Variants in SLAIN2 observed in about 807,000 individuals in gnomAD.
SLAIN2 encodes the protein SLAIN family member 2.
A neutral mutation model predicts 56.6 loss-of-function variants in SLAIN2; 31 were observed. That is an observed-to-expected ratio of 0.55 (90% CI 0.41 to 0.74). The LOEUF (loss-of-function observed/expected upper bound fraction) is 0.74, where lower values mean the gene tolerates loss of function less well. Among genes scored for constraint, SLAIN2 ranks in the 30% least tolerant of loss-of-function variants. The probability of loss-of-function intolerance (pLI) is 0.00; values close to 1 mark genes in which losing one functional copy is unlikely to be tolerated. For missense variants in SLAIN2, 777 were observed against 754.2 expected (o/e 1.03, Z -0.35); for synonymous variants, 317 against 284.9 (o/e 1.11, Z -1.13).
chr4:48,410,995 T>TG (rs1716830075), intron 6 of SLAIN2, among the ~76,000 whole-genome samples: 1 of 152,146 alleles, frequency 6.6e-6, no homozygotes, highest in Non-Finnish European at 1.5e-5. Flanking sequence ...CCTCTTCCAT[T>TG]GCTGACCCAT....
chr4:48,399,173 A>T (rs1716485088), intron 6 of SLAIN2, among the ~76,000 whole-genome samples: 1 of 151,900 alleles, frequency 6.6e-6, no homozygotes, highest in African/African-American at 2.4e-5. Context: ...TTCCTCTCTG[A>T]TTTCCTTAAG....
chr4:48,354,260 T>G (rs576622320), intron 1 of SLAIN2, among the ~76,000 whole-genome samples: 1 of 152,244 alleles, frequency 6.6e-6, no homozygotes, highest in Admixed American at 6.5e-5. Context: ...ATAGAAGAGC[T>G]CATTTTTACA....
chr4:48,398,815 T>A (rs1353262561), intron 6 of SLAIN2, among the ~76,000 whole-genome samples: 1 of 152,124 alleles, frequency 6.6e-6, no homozygotes, highest in Non-Finnish European at 1.5e-5. Context: ...AGATGTGCAG[T>A]CTTATTTCTG....
intron 1 of SLAIN2, among the ~76,000 whole-genome samples, chr4:48,359,039 C>G (rs1482999471): frequency 6.6e-6 from 1 of 152,132 alleles, no homozygotes; most frequent in East Asian, 1.9e-4. Context: ...ATAAGATAAA[C>G]TTTTATTAAA....
At chr4:48,411,291 A>AT (rs1200527371) in intron 6 of SLAIN2, among the ~76,000 whole-genome samples, 2 of 152,258 alleles carry the variant, frequency 1.3e-5, no homozygotes, top group Non-Finnish European at 2.9e-5. Flanking sequence ...CCAGGGCAGC[A>AT]TGTGATTCGT....
At chr4:48,407,240 G>A (rs913809090) in intron 6 of SLAIN2, among the ~76,000 whole-genome samples, 1 of 151,836 alleles carries the variant, frequency 6.6e-6, no homozygotes, top group Non-Finnish European at 1.5e-5. Flanking sequence ...TATGTATTGT[G>A]TATATTGACT....
Position 48,341,857 on chromosome 4 carries a change from G to A in SLAIN2, c.118G>A (p.Gly40Ser). Residue 40 changes from glycine (G) to serine (S), a missense_variant, in exon 1 of 8, where the codon GGC becomes AGC. Coordinates refer to ENST00000264313, the MANE Select transcript of SLAIN2 (RefSeq NM_020846.2). ...GAGGAGCCGCTCGGGGGCCGTGCAG[G>A]GCGCCGGCTCCCTTGGGCCCGGCAG... Reference protein sequence around the residue: ...QLRSRSGAVQGAGSLGPGSPV... With the variant: ...QLRSRSGAVQSAGSLGPGSPV... 4 of 1,522,450 alleles carry A rather than the reference G, an allele frequency of 2.6e-6. No homozygotes were observed. The highest frequency in any genetic ancestry group is 3.5e-6 in the Non-Finnish European group (4 of 1,135,510). 94.3% of individuals were successfully genotyped at this position (1,522,450 alleles called of 1,614,324 possible). A position where few individuals can be genotyped will look rare whatever the true frequency, so the allele number is the denominator to read the frequency against.
intron 2 of SLAIN2, among the ~76,000 whole-genome samples, chr4:48,376,595 T>C (rs1187722007): frequency 3.3e-5 from 5 of 151,890 alleles, no homozygotes; most frequent in Admixed American, 1.3e-4. Context: ...TTTTTTCTTT[T>C]TTTGACAGAA....
intron 2 of SLAIN2, among the ~76,000 whole-genome samples, chr4:48,377,550 A>T (rs1715854492): frequency 6.6e-6 from 1 of 152,102 alleles, no homozygotes; most frequent in African/African-American, 2.4e-5. Flanking sequence ...GTATGCTTTT[A>T]TATTCCATTT....
chr4:48,349,427 C>T lies in SLAIN2; in HGVS notation c.389+7299C>T, dbSNP rs1229953834. ...TGCCAGTTACAGATGAGATACTTCA[C>T]AGATTCTGAATAATGGCAGTATTGA... On this transcript the variant is annotated intron_variant, in intron 1 of 7. Coordinates refer to ENST00000264313, the MANE Select transcript of SLAIN2 (RefSeq NM_020846.2). Among the ~76,000 whole-genome samples the T allele has an allele frequency of 3.9e-5, 6 of 152,320 alleles. No homozygotes were observed. The East Asian group carries it at 1.2e-3, about 29-fold the overall frequency.
rs528827187 is a variant in SLAIN2 at position 48,372,997 on chromosome 4, A to G, written c.538+3000A>G. Among the ~76,000 whole-genome samples the G allele has an allele frequency of 1.5e-4, 23 of 152,200 alleles. No homozygotes were observed. The East Asian group carries it at 3.7e-3, about 24-fold the overall frequency. The stretch of plus-strand genomic sequence containing the variant: ...TTCACACTCAGGTTCGCTGCAGCGC[A>G]CTATCACTCGTTCCTAAAATTTTCT... On this transcript the variant is annotated intron_variant, in intron 2 of 7. Coordinates refer to ENST00000264313, the MANE Select transcript of SLAIN2 (RefSeq NM_020846.2).
intron 6 of SLAIN2, among the ~76,000 whole-genome samples, chr4:48,414,483 T>C (rs1577739803): frequency 1.3e-5 from 2 of 152,168 alleles, no homozygotes; most frequent in Admixed American, 6.5e-5. Flanking sequence ...AGCAAACTTA[T>C]ATTGGCTCAG....
At chr4:48,409,113 G>C (rs1716779832) in intron 6 of SLAIN2, among the ~76,000 whole-genome samples, 2 of 152,190 alleles carry the variant, frequency 1.3e-5, no homozygotes, top group South Asian at 4.1e-4. Flanking sequence ...TTTGATACAG[G>C]CAAGCAATGT....
intron 1 of SLAIN2, among the ~76,000 whole-genome samples, chr4:48,368,290 A>C (rs1054115197): frequency 1.3e-5 from 2 of 151,882 alleles, no homozygotes; most frequent in Non-Finnish European, 2.9e-5. Context: ...TGAACTCCTG[A>C]CCTCAGGTGA....
chr4:48,405,222 G>C (rs1451022979), intron 6 of SLAIN2, among the ~76,000 whole-genome samples: 10 of 152,124 alleles, frequency 6.6e-5, no homozygotes, highest in Non-Finnish European at 1.2e-4. Context: ...TGGCACCTCT[G>C]ACATCGTCCA....
chr4:48,393,640 A>T (rs1158102135), intron 6 of SLAIN2, among the ~76,000 whole-genome samples: 1 of 152,146 alleles, frequency 6.6e-6, no homozygotes, highest in Non-Finnish European at 1.5e-5. Flanking sequence ...GAGTGACAAG[A>T]GCTCTCTTTT....
intron 6 of SLAIN2, among the ~76,000 whole-genome samples, chr4:48,393,384 G>T (rs2109771107): frequency 1.5e-5 from 2 of 129,384 alleles, no homozygotes; most frequent in Non-Finnish European, 3.2e-5. Context: ...ACCATGTCTG[G>T]CTTGTGTGTG....
Position 48,420,398 on chromosome 4 carries a change from G to C in SLAIN2, c.1634G>C (p.Gly545Ala). ...CCCAGACCCAGTGCCCCTTCTGCTG[G>C]GGGCATACCAGTGCCTCGCAGCAAA... ...GLPRPSAPSAGGIPVPRSKLA... is the reference protein window; with the variant it reads ...GLPRPSAPSAAGIPVPRSKLA... Residue 545 changes from glycine to alanine, a missense_variant, in exon 7 of 8, where the codon GGG becomes GCG. Physicochemically the swap from Gly to Ala is moderately conservative, Grantham distance 60 (BLOSUM62 0). Coordinates refer to ENST00000264313, the MANE Select transcript of SLAIN2 (RefSeq NM_020846.2). The C allele has an allele frequency of 2.5e-6, 4 of 1,614,014 alleles. No individual in the cohort carries two copies. The highest frequency in any genetic ancestry group is 3.4e-6 in the Non-Finnish European group (4 of 1,179,882).
intron 2 of SLAIN2, among the ~76,000 whole-genome samples, chr4:48,370,810 TTTTA>T (rs1260182646): frequency 6.6e-6 from 1 of 152,202 alleles, no homozygotes; most frequent in African/African-American, 2.4e-5. Context: ...TTTTTCTGGT[TTTTA>T]TTTACTTGGC....
Sources: allele counts gnomAD v4.1 joint callset (sites outside exome capture counted in the v4.1 genomes callset), GRCh38; gene constraint gnomAD v4.1.1; transcripts MANE v1.5; gene names NCBI Gene and HGNC (gene_info 2026-07-23, HGNC 2026-07-21).